The following BCAS4 variants were observed in gnomAD, a reference collection of about 807,000 sequenced individuals.
The protein encoded by BCAS4 is breast carcinoma amplified sequence 4, also known as breast carcinoma-amplified sequence 4.
BCAS4 carries 9 observed loss-of-function variants against 15.7 expected under a neutral mutation model. That is an observed-to-expected ratio of 0.57 (90% confidence interval 0.34 to 1.00). The LOEUF (loss-of-function observed/expected upper bound fraction) is 1.00, where lower values mean the gene tolerates loss of function less well. Among genes scored for constraint, BCAS4 ranks in the 50% least tolerant of loss-of-function variants. The pLI is 0.02. For synonymous variants in BCAS4, 101 were observed against 99.5 expected, an observed-to-expected ratio of 1.02 and a Z score of -0.09; for missense variants, 225 against 239.1, an observed-to-expected ratio of 0.94 and a Z score of 0.39.
chr20:50,872,883 G>C (rs1210236291), intron 4 of BCAS4, among the ~76,000 whole-genome samples: 1 of 152,246 alleles, frequency 6.6e-6, no homozygotes, highest in Non-Finnish European at 1.5e-5. Context: ...GGTCTTCCAG[G>C]CCAGTGGCCC....
rs774255921 is a variant in BCAS4, at chr20:50,841,771, C to T, written c.270C>T (p.Phe90=). 17 of 1,613,856 alleles carry T rather than the reference C, an allele frequency of 1.1e-5. No individual in the cohort carries two copies. The highest frequency in any genetic ancestry group is 2.7e-5 in the African/African-American group (2 of 74,930). Residue 90 remains phenylalanine, a synonymous_variant, in exon 4 of 5, where the codon TTC becomes TTT. Transcript: ENST00000371608. ...IYAKVDRLEA[F]VKMVGHHVAF... is the part of the protein sequence containing the mutation. Reference sequence around the variant, plus strand: ...GGCTTCTCCGTGTCCCTCAGGCCTTCGTCAAGATGGTTGGACACCACGTCG... The same window carrying T: ...GGCTTCTCCGTGTCCCTCAGGCCTTTGTCAAGATGGTTGGACACCACGTCG...
At chr20:50,797,723 T>C (rs1474427019) in intron 1 of BCAS4, among the ~76,000 whole-genome samples, 2 of 152,188 alleles carry the variant, frequency 1.3e-5, no homozygotes, top group Non-Finnish European at 2.9e-5. Flanking sequence ...TGGAGTGCAA[T>C]GGTGTGATCT....
At chr20:50,877,482 C>T (rs6091231), downstream of BCAS4, 29,902 of 152,212 alleles carry the variant, frequency 0.2, 3,788 homozygotes, top group African/African-American at 0.36. Context: ...ATGGGTATTT[C>T]TGGAATTCCT....
At chr20:50,863,877 ACT>A (rs1461858844) in intron 4 of BCAS4, among the ~76,000 whole-genome samples, 76 of 150,826 alleles carry the variant, frequency 5.0e-4, no homozygotes, top group African/African-American at 1.8e-3. Context: ...GCTACGAAGG[ACT>A]CTTCCATTTG....
intron 4 of BCAS4, among the ~76,000 whole-genome samples, chr20:50,850,596 T>C (rs1271080475): frequency 3.9e-5 from 6 of 152,082 alleles, no homozygotes; most frequent in Non-Finnish European, 8.8e-5. Context: ...GGAAGTTCCT[T>C]CTGACAGCAA....
chr20:50,869,413 A>G (rs1230643196), intron 4 of BCAS4, among the ~76,000 whole-genome samples: 1 of 152,118 alleles, frequency 6.6e-6, no homozygotes, highest in Admixed American at 6.5e-5. Flanking sequence ...GAGTACAGGT[A>G]CAGTGTGTCC....
At chr20:50,796,405 A>C (rs1470309478) in intron 1 of BCAS4, among the ~76,000 whole-genome samples, 2 of 137,662 alleles carry the variant, frequency 1.5e-5, no homozygotes, top group Admixed American at 7.6e-5. Context: ...CCATATATAT[A>C]TATATACATA....
At chr20:50,804,262 C>A (rs1180213338) in intron 1 of BCAS4, among the ~76,000 whole-genome samples, 1 of 152,178 alleles carries the variant, frequency 6.6e-6, no homozygotes, top group East Asian at 1.9e-4. Context: ...TGATCTCGAA[C>A]TCCTGACCTC....
intron 4 of BCAS4, among the ~76,000 whole-genome samples, chr20:50,855,129 T>A (rs1486637375): frequency 6.6e-6 from 1 of 152,118 alleles, no homozygotes; most frequent in Non-Finnish European, 1.5e-5. Context: ...TCTTCAGCCC[T>A]CCATTCCATC....
In BCAS4 at chr20:50,851,748, C is replaced by T. The variant is rs1978437920; in HGVS notation, c.399+9848C>T. Among the ~76,000 whole-genome samples, 2 of 152,156 alleles carry T rather than the reference C, an allele frequency of 1.3e-5. No homozygotes were observed. Among genetic ancestry groups the T allele is most frequent in the South Asian group, 2.1e-4 (1 of 4,830 alleles). On this transcript the variant is annotated intron_variant, in intron 4 of 4. Coordinates refer to ENST00000371608, the MANE Select transcript of BCAS4 (RefSeq NM_198799.4). This position sits in a 1 kb window ranked among gnomAD's most constrained non-coding sequence, Gnocchi z 4.3. The stretch of plus-strand genomic sequence containing the variant: ...GGCCTTTGCACATGCCGGTTCCCCT[C>T]CCTGGAAAACCCTTCCCGCTCCCCA...
intron 1 of BCAS4, among the ~76,000 whole-genome samples, chr20:50,815,572 G>A (rs1450895566): frequency 1.3e-5 from 2 of 152,170 alleles, no homozygotes; most frequent in Non-Finnish European, 2.9e-5. Flanking sequence ...GTTGGGTGGG[G>A]GAATGATCTT....
chr20:50,820,017 AT>A (rs2088194318), intron 2 of BCAS4, among the ~76,000 whole-genome samples: 1 of 151,576 alleles, frequency 6.6e-6, no homozygotes. Context: ...TGCCTGGCTA[AT>A]TTTTGTATTT....
At chr20:50,836,193 G>A (rs538605604) in intron 3 of BCAS4, among the ~76,000 whole-genome samples, 6 of 152,292 alleles carry the variant, frequency 3.9e-5, no homozygotes, top group East Asian at 3.9e-4. Flanking sequence ...TGGGATTACC[G>A]GCGTGAGCCA....
In BCAS4 at chr20:50,876,594, C is replaced by T. The variant is rs1381847836; in HGVS notation, c.508C>T (p.Pro170Ser). Reference sequence around the variant, plus strand: ...AGCACAGCACCACCCCCGCACCTGCCCTCGGCCTTTGTGAGCTTTGTGGTC... The same window carrying T: ...AGCACAGCACCACCCCCGCACCTGCTCTCGGCCTTTGTGAGCTTTGTGGTC... ...GEAQHHPRTC[P>S]RPL is the part of the protein sequence containing the mutation. Residue 170 changes from proline to serine, a missense_variant, in exon 5 of 5, where the codon CCT (proline) becomes TCT (serine). Coordinates refer to ENST00000371608, the MANE Select transcript of BCAS4 (RefSeq NM_198799.4). The T allele has an allele frequency of 1.2e-6, 2 of 1,614,050 alleles. No homozygotes were observed. The highest frequency in any genetic ancestry group is 2.2e-5 in the East Asian group (1 of 44,874).
chr20:50,813,266 G>A (rs79161318), intron 1 of BCAS4, among the ~76,000 whole-genome samples: 16,080 of 152,196 alleles, frequency 0.11, 883 homozygotes, highest in African/African-American at 0.12. Context: ...CCACATCCTC[G>A]CCAGCCCTCA....
chr20:50,815,735 T>C (rs762990153), intron 1 of BCAS4, among the ~76,000 whole-genome samples: 11 of 152,090 alleles, frequency 7.2e-5, no homozygotes, highest in South Asian at 2.1e-4. Context: ...TATTTTGTTG[T>C]GGTGGAGATG....
Position 50,872,089 on chromosome 20 carries a change from A to G in BCAS4, c.400-4397A>G, listed in dbSNP as rs543883039. Among the ~76,000 whole-genome samples the G allele has an allele frequency of 1.6e-4, 24 of 151,522 alleles. No individual in the cohort carries two copies. In the South Asian group the frequency reaches 4.0e-3, roughly 25 times the overall value. ...AGCCTGGCCAACACGGTGAAACCCT[A>G]TCTCTACAAAAATACAAAAAAATTA... On this transcript the variant is annotated intron_variant, in intron 4 of 4. Coordinates refer to ENST00000371608, the MANE Select transcript of BCAS4 (RefSeq NM_198799.4).
rs770427516 is a variant in BCAS4, at chr20:50,872,595, G to GA, written c.400-3884dup. Among the ~76,000 whole-genome samples the GA allele has an allele frequency of 4.3e-3, 642 of 149,906 alleles. 3 individuals are homozygous for GA. The highest frequency in any genetic ancestry group is 7.5e-3 in the Non-Finnish European group (503 of 67,436). On this transcript the variant is annotated intron_variant, in intron 4 of 4. Transcript: ENST00000371608. ...CAAAAAAGGAACAAAAAAAAAAAAA[G>GA]AAAAAAATCAAGATGCTAGCACCCC...
At chr20:50,818,149 T>C (rs1190301619) in intron 1 of BCAS4, 62 bp from the exon 2 acceptor site, 3 of 1,374,912 alleles carry the variant, frequency 2.2e-6, no homozygotes, top group African/African-American at 3.1e-5. Flanking sequence ...AAAAAAAAAA[T>C]GAAGGGTGTT....
Sources: allele counts gnomAD v4.1 joint callset (sites outside exome capture counted in the v4.1 genomes callset), GRCh38; gene constraint gnomAD v4.1.1; non-coding constraint Gnocchi (gnomAD v3.1); transcripts MANE v1.5; gene names NCBI Gene and HGNC (gene_info 2026-07-23, HGNC 2026-07-21).